KCNJ6: variants seen among roughly 807,000 people sequenced by gnomAD.
KCNJ6 encodes the protein G protein-activated inward rectifier potassium channel 2.
KCNJ6 carries 9 observed loss-of-function variants against 34.2 expected under a neutral mutation model. The observed-to-expected ratio is 0.26, with a 90% CI of 0.16 to 0.46. KCNJ6 has a LOEUF of 0.46. Among genes scored for constraint, KCNJ6 ranks in the 20% least tolerant of loss-of-function variants. The pLI, the probability that KCNJ6 is intolerant of heterozygous loss-of-function variation, is 1.00. For synonymous variants in KCNJ6, 196 were observed against 207.1 expected (o/e 0.95, Z 0.46); for missense variants, 236 against 531.3 (o/e 0.44, Z 5.46).
intron 3 of KCNJ6, among the ~76,000 whole-genome samples, chr21:37,655,486 T>C (rs1231355838): frequency 6.6e-6 from 1 of 152,060 alleles, no homozygotes; most frequent in Non-Finnish European, 1.5e-5. Context: ...GAAGAAGTAA[T>C]ACCAGGTCTT....
chr21:37,690,781 CTTTT>C (rs796532358), intron 3 of KCNJ6, among the ~76,000 whole-genome samples: 3 of 136,564 alleles, frequency 2.2e-5, no homozygotes, highest in Non-Finnish European at 3.1e-5. Context: ...TTTTTCTTTT[CTTTT>C]TTTTTTTTTT....
At chr21:37,796,571 C>T (rs978758477) in intron 2 of KCNJ6, among the ~76,000 whole-genome samples, 2 of 152,034 alleles carry the variant, frequency 1.3e-5, no homozygotes, top group Non-Finnish European at 2.9e-5. Flanking sequence ...TTTCTGAGGT[C>T]CCTCCTGGTT....
chr21:37,775,632 A>C (rs1359727298), intron 2 of KCNJ6, among the ~76,000 whole-genome samples: 1 of 151,894 alleles, frequency 6.6e-6, no homozygotes, highest in Admixed American at 6.6e-5. Context: ...TCCTGTTTTT[A>C]TCAGGTTTGT....
chr21:37,748,884 C>T (rs552914267), intron 2 of KCNJ6, among the ~76,000 whole-genome samples: 19 of 152,220 alleles, frequency 1.2e-4, no homozygotes, highest in Admixed American at 1.0e-3. Flanking sequence ...GGAACAAAAC[C>T]GTGGGAGAGA....
intron 2 of KCNJ6, among the ~76,000 whole-genome samples, chr21:37,823,534 T>G (rs898882767): frequency 7.2e-5 from 11 of 152,198 alleles, no homozygotes; most frequent in Non-Finnish European, 1.3e-4. Flanking sequence ...CATGCTGTTC[T>G]TCTGATAGTT....
intron 1 of KCNJ6, among the ~76,000 whole-genome samples, chr21:37,895,536 A>AC (rs2055783458): frequency 6.6e-6 from 1 of 152,130 alleles, no homozygotes; most frequent in Non-Finnish European, 1.5e-5. Flanking sequence ...ACCTTCACTG[A>AC]CCCCATAGAG....
At chr21:37,746,403 T>C (rs1366174160) in intron 2 of KCNJ6, among the ~76,000 whole-genome samples, 1 of 152,162 alleles carries the variant, frequency 6.6e-6, no homozygotes, top group Non-Finnish European at 1.5e-5. Flanking sequence ...TGTCTGGTGA[T>C]CTGGGGTTGC....
chr21:37,805,921 G>A (rs1391915951), intron 2 of KCNJ6, among the ~76,000 whole-genome samples: 1 of 152,204 alleles, frequency 6.6e-6, no homozygotes, highest in African/African-American at 2.4e-5. Context: ...GCATGACCCT[G>A]TTGACATCTG....
intron 2 of KCNJ6, among the ~76,000 whole-genome samples, chr21:37,758,497 T>C (rs2055042916): frequency 6.6e-6 from 1 of 152,212 alleles, no homozygotes; most frequent in Admixed American, 6.5e-5. Flanking sequence ...ATGATGTGAA[T>C]TGCTTTTACC....
At chr21:37,882,544 T>C (rs902959237) in intron 1 of KCNJ6, among the ~76,000 whole-genome samples, 1 of 152,130 alleles carries the variant, frequency 6.6e-6, no homozygotes, top group African/African-American at 2.4e-5. Context: ...TCTTGCAGGG[T>C]CACCCATTAA....
rs1472134835 is a variant in KCNJ6, at chr21:37,608,177, C to T, written c.*16982G>A. The T allele has an allele frequency of 6.6e-6, 1 of 152,184 alleles. No homozygotes were observed. Among genetic ancestry groups the T allele is most frequent in the Non-Finnish European group, 1.5e-5 (1 of 68,046 alleles). 9.4% of individuals were successfully genotyped at this position (152,184 alleles called of 1,614,324 possible). ...AATTCTAAGTCTCTATAAATTAGCA[C>T]CAGTTTTCCAAATGCATATTTTATC... On this transcript the variant is annotated 3_prime_UTR_variant, in exon 4 of 4. Transcript: ENST00000609713.
chr21:37,759,073 C>T (rs1315657409), intron 2 of KCNJ6, among the ~76,000 whole-genome samples: 2 of 152,244 alleles, frequency 1.3e-5, no homozygotes, highest in Admixed American at 1.3e-4. Context: ...CCTCCTGGCC[C>T]CTATCTGAGG....
chr21:37,914,268 T>A (rs1355185780), intron 1 of KCNJ6, among the ~76,000 whole-genome samples: 1 of 152,198 alleles, frequency 6.6e-6, no homozygotes, highest in Admixed American at 6.5e-5. Context: ...GACTCATTTA[T>A]TTATAGAAAG....
chr21:37,689,608 T>G (rs2123426666), intron 3 of KCNJ6, among the ~76,000 whole-genome samples: 1 of 152,304 alleles, frequency 6.6e-6, no homozygotes, highest in South Asian at 2.1e-4. Flanking sequence ...ATCTTCTCTC[T>G]CTTCCTTCCT....
At chr21:37,805,273 T>C (rs2055288302) in intron 2 of KCNJ6, among the ~76,000 whole-genome samples, 1 of 152,060 alleles carries the variant, frequency 6.6e-6, no homozygotes, top group Admixed American at 6.6e-5. Context: ...GTGAATTATA[T>C]TTCAATGAAA....
intron 1 of KCNJ6, among the ~76,000 whole-genome samples, chr21:37,877,072 T>C (rs1280154396): frequency 1.3e-5 from 2 of 152,186 alleles, no homozygotes; most frequent in Non-Finnish European, 2.9e-5. Context: ...TTACAAGTTT[T>C]TTGTACCTGG....
intron 1 of KCNJ6, among the ~76,000 whole-genome samples, chr21:37,866,835 CA>C (rs1475719078): frequency 6.6e-6 from 1 of 152,184 alleles, no homozygotes; most frequent in Non-Finnish European, 1.5e-5. Flanking sequence ...GATGAATAAG[CA>C]ATGAAGATTA....
chr21:37,702,367 G>A (rs76518771), intron 3 of KCNJ6, among the ~76,000 whole-genome samples: 5 of 151,958 alleles, frequency 3.3e-5, no homozygotes, highest in Non-Finnish European at 7.4e-5. Context: ...GGTGGCCATA[G>A]AGACAGACAT....
chr21:37,851,522 G>A (rs561503928), intron 1 of KCNJ6, among the ~76,000 whole-genome samples: 49 of 152,274 alleles, frequency 3.2e-4, no homozygotes, highest in Non-Finnish European at 4.0e-4. Context: ...GCTTCTTGTC[G>A]TGTGTTTTCA....
Sources: allele counts gnomAD v4.1 joint callset (sites outside exome capture counted in the v4.1 genomes callset), GRCh38; gene constraint gnomAD v4.1.1; transcripts MANE v1.5; gene names NCBI Gene and HGNC (gene_info 2026-07-23, HGNC 2026-07-21).